Variants in EYS observed in about 807,000 individuals in gnomAD.
EYS encodes the protein protein eyes shut homolog.
EYS carries 250 observed loss-of-function variants against 282.1 expected under a neutral mutation model. The ratio of observed to expected loss-of-function variants is 0.89; its 90% CI spans 0.80 to 0.98. The LOEUF (loss-of-function observed/expected upper bound fraction) is 0.98, where lower values mean the gene tolerates loss of function less well. Ranked by LOEUF, EYS falls within the 50% of genes least tolerant of loss-of-function variation. EYS has a pLI of 0.00. For synonymous variants in EYS, 1,355 were observed against 1,282.9 expected, an observed-to-expected ratio of 1.06 and a Z score of -1.20; for missense variants, 4,016 against 3,709.0, an observed-to-expected ratio of 1.08 and a Z score of -2.15.
At chr6:63,866,989 T>C (rs1046840131) in intron 35 of EYS, among the ~76,000 whole-genome samples, 3 of 152,202 alleles carry the variant, frequency 2.0e-5, no homozygotes, top group Non-Finnish European at 4.4e-5. Flanking sequence ...GTTTCTCCTA[T>C]CCAGATCTTG....
chr6:64,614,417 A>G (rs1017386583), intron 24 of EYS, among the ~76,000 whole-genome samples: 2 of 152,126 alleles, frequency 1.3e-5, no homozygotes, highest in African/African-American at 4.8e-5. Flanking sequence ...TAGAAGAGAC[A>G]GAGTAAGCAT....
At chr6:63,753,836 G>C (rs1769408113) in intron 41 of EYS, among the ~76,000 whole-genome samples, 1 of 152,084 alleles carries the variant, frequency 6.6e-6, no homozygotes, top group Admixed American at 6.6e-5. Flanking sequence ...AGATGAAGGG[G>C]TTTACTTATA....
intron 35 of EYS, among the ~76,000 whole-genome samples, chr6:63,924,321 G>T (rs1346578510): frequency 6.6e-6 from 1 of 152,184 alleles, no homozygotes; most frequent in East Asian, 1.9e-4. Flanking sequence ...AAAGTGAATT[G>T]CTCAGAGCTA....
intron 31 of EYS, among the ~76,000 whole-genome samples, chr6:64,224,320 C>T (rs142177735): frequency 9.7e-4 from 148 of 152,110 alleles, no homozygotes; most frequent in African/African-American, 3.5e-3. Context: ...TTCTTCCCCA[C>T]CATAATCCTT....
intron 22 of EYS, among the ~76,000 whole-genome samples, chr6:64,705,178 C>A (rs1770961765): frequency 6.6e-6 from 1 of 152,156 alleles, no homozygotes; most frequent in African/African-American, 2.4e-5. Context: ...CTGCTATACA[C>A]CAACAGCGAC....
intron 2 of EYS, among the ~76,000 whole-genome samples, chr6:65,559,272 C>A (rs990898738): frequency 5.9e-5 from 9 of 152,138 alleles, no homozygotes; most frequent in African/African-American, 2.2e-4. Context: ...ATCCCAGATA[C>A]TACAAAGGCT....
intron 35 of EYS, among the ~76,000 whole-genome samples, chr6:63,920,124 A>C (rs1299244792): frequency 6.6e-6 from 1 of 151,792 alleles, no homozygotes; most frequent in Non-Finnish European, 1.5e-5. Flanking sequence ...AAAATATGGA[A>C]TATTAAAGGT....
chr6:64,172,436 A>G (rs1237319968), intron 31 of EYS, among the ~76,000 whole-genome samples: 2 of 152,104 alleles, frequency 1.3e-5, no homozygotes, highest in African/African-American at 4.8e-5. Flanking sequence ...GAGTTTGACA[A>G]TTTTAGTTAC....
intron 26 of EYS, among the ~76,000 whole-genome samples, chr6:64,510,280 ATATT>A (rs1369413267): frequency 1.3e-5 from 2 of 152,170 alleles, no homozygotes; most frequent in East Asian, 1.9e-4. Context: ...TTTATCATGA[ATATT>A]TATGAAGTGA....
At chr6:65,138,783 T>A (rs776709323) in intron 12 of EYS, among the ~76,000 whole-genome samples, 1 of 152,066 alleles carries the variant, frequency 6.6e-6, no homozygotes, top group Non-Finnish European at 1.5e-5. Flanking sequence ...TGACCTGCTC[T>A]AGCCAAACAT....
intron 22 of EYS, among the ~76,000 whole-genome samples, chr6:64,633,005 G>C (rs1454014078): frequency 6.6e-6 from 1 of 152,044 alleles, no homozygotes; most frequent in Non-Finnish European, 1.5e-5. Context: ...ACTGCATAAA[G>C]CATAATCCAA....
intron 22 of EYS, among the ~76,000 whole-genome samples, chr6:64,680,014 A>G (rs559268825): frequency 2.6e-5 from 4 of 152,312 alleles, no homozygotes; most frequent in African/African-American, 4.8e-5. Context: ...TAGGTTCCAC[A>G]TGTGTCAAAA....
intron 22 of EYS, among the ~76,000 whole-genome samples, chr6:64,800,923 T>C (rs1774525859): frequency 6.6e-6 from 1 of 152,100 alleles, no homozygotes; most frequent in Non-Finnish European, 1.5e-5. Context: ...TAATCTGCTA[T>C]AATAGAAGCA....
At chr6:64,226,251 C>T (rs1302242378) in intron 31 of EYS, among the ~76,000 whole-genome samples, 2 of 151,972 alleles carry the variant, frequency 1.3e-5, no homozygotes, top group Non-Finnish European at 2.9e-5. Context: ...ATTTTTTTAA[C>T]AAGACAAAAC....
At chr6:64,480,012 A>T (rs1403879991) in intron 26 of EYS, among the ~76,000 whole-genome samples, 2 of 151,902 alleles carry the variant, frequency 1.3e-5, no homozygotes, top group Non-Finnish European at 2.9e-5. Flanking sequence ...AATCAGTCTC[A>T]TGAGTCCGTT....
At chr6:65,371,937 G>A (rs1419949170) in intron 8 of EYS, among the ~76,000 whole-genome samples, 1 of 150,554 alleles carries the variant, frequency 6.6e-6, no homozygotes, top group Non-Finnish European at 1.5e-5. Flanking sequence ...ATTCTAATTC[G>A]AGCTTTACTT....
intron 13 of EYS, among the ~76,000 whole-genome samples, chr6:65,049,409 G>A (rs1253951369): frequency 1.3e-5 from 2 of 151,718 alleles, no homozygotes. Context: ...TGGCAGTTTA[G>A]CACTTATCAA....
intron 12 of EYS, among the ~76,000 whole-genome samples, chr6:65,090,774 G>A (rs1215189474): frequency 6.6e-6 from 1 of 151,218 alleles, no homozygotes; most frequent in East Asian, 1.9e-4. Context: ...CAAAGTAATA[G>A]ACAAAGTAAT....
chr6:65,482,971 T>A (rs992647603), intron 5 of EYS, among the ~76,000 whole-genome samples: 4 of 152,212 alleles, frequency 2.6e-5, no homozygotes, highest in African/African-American at 9.6e-5. Context: ...ATAATAATTT[T>A]AACATTTCCT....
Sources: allele counts gnomAD v4.1 joint callset (sites outside exome capture counted in the v4.1 genomes callset), GRCh38; gene constraint gnomAD v4.1.1; transcripts MANE v1.5; gene names NCBI Gene and HGNC (gene_info 2026-07-23, HGNC 2026-07-21).